The following ERO1B variants were observed in gnomAD, a reference collection of about 807,000 sequenced individuals.
ERO1B encodes endoplasmic reticulum oxidoreductase 1 beta.
ERO1B carries 49 observed loss-of-function variants against 75.3 expected under a neutral mutation model. The ratio of observed to expected loss-of-function variants is 0.65; its 90% CI spans 0.52 to 0.83. The LOEUF (loss-of-function observed/expected upper bound fraction) is 0.83, where lower values mean the gene tolerates loss of function less well. Among genes scored for constraint, ERO1B ranks in the 40% least tolerant of loss-of-function variants. The pLI is 0.00. For synonymous variants in ERO1B, 191 were observed against 192.9 expected, an observed-to-expected ratio of 0.99 and a Z score of 0.08; for missense variants, 512 against 560.1, an observed-to-expected ratio of 0.91 and a Z score of 0.87.
intron 1 of ERO1B, among the ~76,000 whole-genome samples, chr1:236,276,440 C>T (rs1399185296): frequency 1.3e-5 from 2 of 152,102 alleles, no homozygotes; most frequent in Non-Finnish European, 2.9e-5. Context: ...AGAAAGAATG[C>T]TAAGACAGAC....
chr1:236,248,321 G>A (rs892778039), intron 5 of ERO1B, among the ~76,000 whole-genome samples: 2 of 152,162 alleles, frequency 1.3e-5, no homozygotes, highest in African/African-American at 4.8e-5. Flanking sequence ...GATACAAGCT[G>A]TCAGCACTGG....
chr1:236,226,498 TG>T lies in ERO1B; in HGVS notation c.822del (p.Ser275ValfsTer34), dbSNP rs369252480. 6.2e-7 allele frequency: 1 copy of T among 1,612,696 alleles called. No homozygotes were observed. Among genetic ancestry groups the T allele is most frequent in the East Asian group, 2.2e-5 (1 of 44,874 alleles). ...NYLLEETWGK[P>X]SWGPNIKEFK... ...AATTCTTTAATATTAGGTCCCCAAC[TG>T]GGCTTACCCCAGGTTTCTAAAGAGA... On this transcript the variant is annotated frameshift_variant, in exon 12 of 16. Coordinates refer to ENST00000354619, the MANE Select transcript of ERO1B (RefSeq NM_019891.4). LOFTEE classifies it high-confidence loss of function.
intron 7 of ERO1B, among the ~76,000 whole-genome samples, chr1:236,236,065 C>G (rs1226617367): frequency 1.3e-5 from 2 of 152,176 alleles, no homozygotes; most frequent in African/African-American, 4.8e-5. Context: ...GCTGGGATTA[C>G]AGGCACCTGC....
intron 2 of ERO1B, among the ~76,000 whole-genome samples, chr1:236,255,231 G>GC: frequency 6.6e-6 from 1 of 152,038 alleles, no homozygotes; most frequent in South Asian, 2.1e-4. Flanking sequence ...ACCATGCCCG[G>GC]CCTCAAGGTC....
chr1:236,245,344 A>G (rs1312956746), intron 5 of ERO1B, among the ~76,000 whole-genome samples: 9 of 21,372 alleles, frequency 4.2e-4, no homozygotes, highest in Non-Finnish European at 1.7e-3. Context: ...ATATATACGT[A>G]TATATATACA....
At position 236,215,533 on chromosome 1, in the gene ERO1B, G is replaced by C. The variant is rs1264258555; in HGVS notation, c.*2983C>G. 1 of 152,042 alleles carries C rather than the reference G, an allele frequency of 6.6e-6. No homozygotes were observed. Among genetic ancestry groups the C allele is most frequent in the Non-Finnish European group, 1.5e-5 (1 of 68,010 alleles). 9.4% of individuals were successfully genotyped at this position (152,042 alleles called of 1,614,324 possible). The stretch of plus-strand genomic sequence containing the variant: ...ATAAAAAGAAACACTTAAAATAGCG[G>C]GGAAAAACAAGACAGAAAAGATTGC... On this transcript the variant is annotated 3_prime_UTR_variant, in exon 16 of 16. Coordinates refer to ENST00000354619, the MANE Select transcript of ERO1B (RefSeq NM_019891.4).
At chr1:236,248,997 T>C (rs918793626) in intron 5 of ERO1B, among the ~76,000 whole-genome samples, 2 of 151,656 alleles carry the variant, frequency 1.3e-5, no homozygotes, top group South Asian at 4.2e-4. Context: ...TACTGAGTCA[T>C]TAGCAATTAT....
At chr1:236,275,584 TC>T (rs1175404194) in intron 1 of ERO1B, among the ~76,000 whole-genome samples, 1 of 152,134 alleles carries the variant, frequency 6.6e-6, no homozygotes, top group Non-Finnish European at 1.5e-5. Context: ...GAGCTAAATC[TC>T]CAGCACCCAC....
In ERO1B at chr1:236,216,572, C is replaced by T. The variant is rs1388069732; in HGVS notation, c.*1944G>A. ...AACCAGATCTTTTAATTTCCTAGAA[C>T]ATACTCTAATATACTAGTTTTCCTA... On this transcript the variant is annotated 3_prime_UTR_variant, in exon 16 of 16. Coordinates refer to ENST00000354619, the MANE Select transcript of ERO1B (RefSeq NM_019891.4). 1 of 151,988 alleles carries T rather than the reference C, an allele frequency of 6.6e-6. No individual in the cohort carries two copies. Among genetic ancestry groups the T allele is most frequent in the Non-Finnish European group, 1.5e-5 (1 of 67,944 alleles). 9.4% of individuals were successfully genotyped at this position (151,988 alleles called of 1,614,324 possible).
At chr1:236,268,561 G>C (rs777516382) in intron 2 of ERO1B, among the ~76,000 whole-genome samples, 8 of 152,262 alleles carry the variant, frequency 5.3e-5, no homozygotes, top group African/African-American at 9.6e-5. Flanking sequence ...AGATCGGCCT[G>C]GGCAAACATG....
At chr1:236,243,707 TAACTA>T (rs1481089003) in intron 5 of ERO1B, among the ~76,000 whole-genome samples, 2 of 152,116 alleles carry the variant, frequency 1.3e-5, no homozygotes, top group Non-Finnish European at 2.9e-5. Context: ...TTATATTTCT[TAACTA>T]TACTGAATTA....
Position 236,230,253 on chromosome 1 carries a change from G to T in ERO1B, c.686-3C>A. 1 of 1,572,266 alleles carries T rather than the reference G, an allele frequency of 6.4e-7. No individual in the cohort carries two copies. The highest frequency in any genetic ancestry group is 1.1e-5 in the South Asian group (1 of 88,918). ...TAGCCATGTGTAGAATGATTCTCCT[G>T]AGAGAGAGAGAAAAGTGGATTAAAA... is the stretch of plus-strand genomic sequence containing the variant. On this transcript the variant is annotated splice_region_variant and splice_polypyrimidine_tract_variant and intron_variant, in intron 9 of 15. Coordinates refer to ENST00000354619, the MANE Select transcript of ERO1B (RefSeq NM_019891.4).
chr1:236,228,367 C>T (rs1242902088), intron 10 of ERO1B, among the ~76,000 whole-genome samples: 1 of 152,180 alleles, frequency 6.6e-6, no homozygotes, highest in Admixed American at 6.5e-5. Context: ...CACCCAGACA[C>T]ACAACACACT....
chr1:236,239,825 GTA>G (rs1344485863), intron 6 of ERO1B, among the ~76,000 whole-genome samples: 3 of 50,824 alleles, frequency 5.9e-5, no homozygotes, highest in African/African-American at 8.3e-5. Flanking sequence ...ATATATATGT[GTA>G]TATATATGTG....
intron 6 of ERO1B, among the ~76,000 whole-genome samples, chr1:236,242,785 G>T (rs1664744040): frequency 6.6e-6 from 1 of 152,060 alleles, no homozygotes; most frequent in Non-Finnish European, 1.5e-5. Context: ...AATTCTTTGG[G>T]AATATTATCC....
intron 1 of ERO1B, among the ~76,000 whole-genome samples, chr1:236,278,236 G>A (rs960624759): frequency 5.3e-5 from 8 of 152,252 alleles, no homozygotes; most frequent in Admixed American, 2.6e-4. Context: ...TTGCGAACCT[G>A]TGTGAGGACT....
chr1:236,234,851 A>G (rs1483753141), intron 8 of ERO1B, among the ~76,000 whole-genome samples: 1 of 152,242 alleles, frequency 6.6e-6, no homozygotes, highest in Admixed American at 6.5e-5. Flanking sequence ...CTGAGAACAG[A>G]CTGAGGATGT....
At chr1:236,255,544 C>A (rs977485602) in intron 2 of ERO1B, among the ~76,000 whole-genome samples, 1 of 152,006 alleles carries the variant, frequency 6.6e-6, no homozygotes, top group Non-Finnish European at 1.5e-5. Flanking sequence ...ATAGTAGACA[C>A]CTAATTAATA....
chr1:236,248,339 A>G (rs1664936330), intron 5 of ERO1B, among the ~76,000 whole-genome samples: 1 of 152,246 alleles, frequency 6.6e-6, no homozygotes, highest in African/African-American at 2.4e-5. Context: ...TGGAGTCAGT[A>G]TATATTCACA....
Sources: gnomAD v4.1 joint callset for allele counts (sites outside exome capture counted in the v4.1 genomes callset) on GRCh38, gnomAD v4.1.1 for gene constraint, MANE v1.5 for transcripts, NCBI Gene and HGNC (gene_info 2026-07-23, HGNC 2026-07-21) for gene names.